The following SCN8A variants were observed in gnomAD, a reference collection of about 807,000 sequenced individuals.
SCN8A encodes the protein sodium channel protein type 8 subunit alpha.
SCN8A carries 30 observed loss-of-function variants against 184.1 expected under a neutral mutation model. The ratio of observed to expected loss-of-function variants is 0.16; its 90% confidence interval spans 0.12 to 0.22. The LOEUF (loss-of-function observed/expected upper bound fraction) is 0.22. Ranked by LOEUF, SCN8A falls within the 10% of genes least tolerant of loss-of-function variation. The probability of loss-of-function intolerance (pLI) is 1.00; values close to 1 mark genes in which losing one functional copy is unlikely to be tolerated. For synonymous variants in SCN8A, 852 were observed against 907.0 expected (o/e 0.94, Z 1.09); for missense variants, 1,057 against 2,498.9 (o/e 0.42, Z 12.30).
At chr12:51,703,793 A>G (rs1941731629) in intron 9 of SCN8A, among the ~76,000 whole-genome samples, 1 of 152,216 alleles carries the variant, frequency 6.6e-6, no homozygotes, top group African/African-American at 2.4e-5. Context: ...GACCCTCTTT[A>G]AGGGAAGTTT....
Position 51,809,762 on chromosome 12 carries a change from A to C in SCN8A, c.*2333A>C, listed in dbSNP as rs572144494. On this transcript the variant is annotated 3_prime_UTR_variant, in exon 27 of 27. Coordinates refer to ENST00000627620, the MANE Select transcript of SCN8A (RefSeq NM_001330260.2). Reference sequence around the variant, plus strand: ...GTAAATACAAATTATTAACTTATTAAATAGGAAATGGCTTCTGGCTTATGC... The same window carrying C: ...GTAAATACAAATTATTAACTTATTACATAGGAAATGGCTTCTGGCTTATGC... The C allele has an allele frequency of 6.6e-6, 1 of 152,374 alleles. No homozygotes were observed. Among genetic ancestry groups the C allele is most frequent in the South Asian group, 2.1e-4 (1 of 4,820 alleles). The allele number at this position is 152,374 out of a possible 1,614,324, so 9.4% of individuals were successfully genotyped here.
At chr12:51,644,419 AG>A (rs1940518081) in intron 1 of SCN8A, among the ~76,000 whole-genome samples, 1 of 152,236 alleles carries the variant, frequency 6.6e-6, no homozygotes, top group Non-Finnish European at 1.5e-5. Flanking sequence ...AAGCATCAAA[AG>A]AATTATATAT....
rs954831801 is a variant in SCN8A at position 51,774,248 on chromosome 12, T to C, written c.3705T>C (p.Ala1235=). Residue 1235 remains alanine, a synonymous_variant, in exon 20 of 27, where the codon GCT becomes GCC. Transcript: ENST00000627620. ...CCATCCGCACCATCCTGGAATATGC[T>C]GACAAAGTCTTCACCTATATCTTCA... ...RKTIRTILEY[A]DKVFTYIFIL... 1 of 1,614,092 alleles carries C rather than the reference T, an allele frequency of 6.2e-7. No individual in the cohort carries two copies. Among genetic ancestry groups the C allele is most frequent in the Non-Finnish European group, 8.5e-7 (1 of 1,179,946 alleles).
intron 2 of SCN8A, among the ~76,000 whole-genome samples, chr12:51,667,593 A>C (rs573044831): frequency 6.6e-6 from 1 of 152,294 alleles, no homozygotes; most frequent in African/African-American, 2.4e-5. Context: ...CTGTTGCACA[A>C]AGTGCCTGTC....
At chr12:51,792,112 CTA>C (rs1398659707) in intron 25 of SCN8A, among the ~76,000 whole-genome samples, 33 of 151,934 alleles carry the variant, frequency 2.2e-4, no homozygotes. Flanking sequence ...AAAAAATTAA[CTA>C]GAGGGCTATA....
chr12:51,779,409 A>G (rs974109656), intron 20 of SCN8A, among the ~76,000 whole-genome samples: 1 of 152,154 alleles, frequency 6.6e-6, no homozygotes, highest in Non-Finnish European at 1.5e-5. Flanking sequence ...CTGGTAGAAC[A>G]AGGTAAGTTT....
chr12:51,669,452 T>C (rs769999199), intron 2 of SCN8A, among the ~76,000 whole-genome samples: 1 of 152,196 alleles, frequency 6.6e-6, no homozygotes, highest in African/African-American at 2.4e-5. Flanking sequence ...ACTTCCTGTT[T>C]CCTTAGTGTG....
intron 26 of SCN8A, among the ~76,000 whole-genome samples, chr12:51,803,966 A>C (rs1384937487): frequency 6.6e-6 from 1 of 152,236 alleles, no homozygotes. Context: ...CCCAGTGTTT[A>C]TGCATTCTTA....
intron 1 of SCN8A, among the ~76,000 whole-genome samples, chr12:51,598,088 A>G (rs551250388): frequency 4.1e-4 from 62 of 152,328 alleles, no homozygotes; most frequent in Middle Eastern, 3.4e-3. Context: ...CTAAAGAGGC[A>G]TAATGCCTTG....
intron 12 of SCN8A, among the ~76,000 whole-genome samples, chr12:51,742,710 A>G (rs1942446734): frequency 6.6e-6 from 1 of 151,512 alleles, no homozygotes; most frequent in Non-Finnish European, 1.5e-5. Flanking sequence ...GTGTTCTATA[A>G]TCTTCTTGTA....
At chr12:51,767,077 C>A (rs1291269625) in intron 16 of SCN8A, among the ~76,000 whole-genome samples, 1 of 152,118 alleles carries the variant, frequency 6.6e-6, no homozygotes, top group East Asian at 1.9e-4. Flanking sequence ...TCCATTTGAC[C>A]TACAAAAAAA....
At chr12:51,621,227 A>G (rs1306595641) in intron 1 of SCN8A, among the ~76,000 whole-genome samples, 1 of 152,192 alleles carries the variant, frequency 6.6e-6, no homozygotes, top group East Asian at 1.9e-4. Context: ...TTTTTTGGCC[A>G]TCTCTGCTTA....
chr12:51,726,877 T>C (rs1473759505), intron 12 of SCN8A, among the ~76,000 whole-genome samples: 1 of 152,134 alleles, frequency 6.6e-6, no homozygotes, highest in Admixed American at 6.5e-5. Flanking sequence ...TATTGTACAA[T>C]TATTTTAAAG....
rs201910276 is a variant in SCN8A, at chr12:51,810,254, T to TA, written c.*2835dup. The TA allele has an allele frequency of 2.9e-3, 689 of 236,282 alleles. No individual in the cohort carries two copies. Among genetic ancestry groups the TA allele is most frequent in the South Asian group, 6.5e-3 (173 of 26,568 alleles). 14.6% of individuals were successfully genotyped at this position (236,282 alleles called of 1,614,324 possible). A position where few individuals can be genotyped will look rare whatever the true frequency, so the allele number is the denominator to read the frequency against. On this transcript the variant is annotated 3_prime_UTR_variant, in exon 27 of 27. Transcript: ENST00000627620. ...CCGCTGTATTTGAAGTTTCACTTTT[T>TA]AAAAAAAAAATGTTTCCCACCTTTT... is the stretch of plus-strand genomic sequence containing the variant.
chr12:51,789,682 G>C (rs1220340823), intron 24 of SCN8A, among the ~76,000 whole-genome samples: 8 of 152,158 alleles, frequency 5.3e-5, no homozygotes, highest in Admixed American at 1.3e-4. Context: ...CCAGAAGCAG[G>C]TAGGTCAGAG....
intron 14 of SCN8A, among the ~76,000 whole-genome samples, chr12:51,757,283 C>T (rs953869709): frequency 6.7e-6 from 1 of 148,172 alleles, no homozygotes; most frequent in Non-Finnish European, 1.5e-5. Context: ...CGACTGAGTT[C>T]GTAAGGAACC....
intron 1 of SCN8A, among the ~76,000 whole-genome samples, chr12:51,621,413 A>G (rs944209576): frequency 6.6e-6 from 1 of 152,200 alleles, no homozygotes; most frequent in Admixed American, 6.5e-5. Flanking sequence ...GTTTTAAACC[A>G]TCACTCTAAA....
intron 20 of SCN8A, among the ~76,000 whole-genome samples, chr12:51,778,880 G>T (rs1326406616): frequency 6.6e-6 from 1 of 152,062 alleles, no homozygotes; most frequent in Non-Finnish European, 1.5e-5. Context: ...AAGAGCTGTT[G>T]ATGGAAATAT....
intron 2 of SCN8A, among the ~76,000 whole-genome samples, chr12:51,672,264 T>C (rs1379304440): frequency 6.6e-6 from 1 of 152,134 alleles, no homozygotes; most frequent in African/African-American, 2.4e-5. Flanking sequence ...CCTCCATCCT[T>C]GAAGCCTGAC....
Sources: allele counts gnomAD v4.1 joint callset (sites outside exome capture counted in the v4.1 genomes callset), GRCh38; gene constraint gnomAD v4.1.1; transcripts MANE v1.5; gene names NCBI Gene and HGNC (gene_info 2026-07-23, HGNC 2026-07-21).